The following BPI variants were observed in gnomAD, a reference collection of about 807,000 sequenced individuals.
The protein encoded by BPI is bactericidal permeability-increasing protein.
BPI carries 48 observed loss-of-function variants against 57.6 expected under a neutral mutation model. The observed-to-expected ratio is 0.83, with a 90% CI of 0.66 to 1.06. The LOEUF is 1.06. Ranked by LOEUF, BPI falls within the 50% of genes least tolerant of loss-of-function variation. The pLI, the probability that BPI is intolerant of heterozygous loss-of-function variation, is 0.00. For missense variants in BPI, 651 were observed against 609.7 expected (o/e 1.07, Z -0.71); for synonymous variants, 237 against 238.2 (o/e 0.99, Z 0.05).
chr20:38,334,373 GA>G (rs776410143), intron 12 of BPI, 56 bp from the exon 13 acceptor site: 1 of 1,519,016 alleles, frequency 6.6e-7, no homozygotes, highest in Non-Finnish European at 9.1e-7. Flanking sequence ...AGGACTGCTG[GA>G]CCCGCAAGGT....
chr20:38,308,182 A>G (rs1423972015), intron 2 of BPI, among the ~76,000 whole-genome samples: 1 of 152,172 alleles, frequency 6.6e-6, no homozygotes, highest in Non-Finnish European at 1.5e-5. Context: ...CAGCACTCTG[A>G]ACAAAGAGCC....
intron 1 of BPI, among the ~76,000 whole-genome samples, chr20:38,305,546 T>C (rs905352290): frequency 5.3e-5 from 8 of 152,290 alleles, no homozygotes; most frequent in African/African-American, 1.9e-4. Context: ...CCTGTCAACT[T>C]ACAGATCCTG....
chr20:38,324,730 T>A, intron 8 of BPI, 44 bp from the exon 9 acceptor site: 1 of 1,530,102 alleles, frequency 6.5e-7, no homozygotes. Flanking sequence ...CTGCTCCGTC[T>A]GTAACAGCAT....
intron 6 of BPI, among the ~76,000 whole-genome samples, chr20:38,319,096 A>G (rs6064383): frequency 0.69 from 104,463 of 152,016 alleles, 37,201 homozygotes; most frequent in African/African-American, 0.88. Context: ...TTTGCCAGGC[A>G]TCATGGCAGG....
chr20:38,335,354 G>T, intron 13 of BPI: 1 of 570,252 alleles, frequency 1.8e-6, no homozygotes, highest in Non-Finnish European at 3.1e-6. Flanking sequence ...GCACCCTCAG[G>T]AGGGCCATCA....
chr20:38,319,861 A>AG (rs1181910718), intron 6 of BPI: 1 of 199,334 alleles, frequency 5.0e-6, no homozygotes, highest in Non-Finnish European at 8.3e-6. Context: ...AATGACAAAA[A>AG]GTGCTCAGAG....
rs1426434589 is a variant in BPI, at chr20:38,324,053, C to A, written c.933+7C>A. 1.2e-6 allele frequency: 2 copies of A among 1,612,968 alleles called. No homozygotes were observed. Among genetic ancestry groups the A allele is most frequent in the African/African-American group, 2.7e-5 (2 of 74,894 alleles). ...GACCCTTAGAGATGACATGGTAAGG[C>A]CGGGCTCTGGGTGGGTGTGGGAAGA... On this transcript the variant is annotated splice_region_variant and intron_variant, in intron 8 of 14. Coordinates refer to ENST00000642449, the MANE Select transcript of BPI (RefSeq NM_001725.3).
At chr20:38,327,999 A>G (rs1193481103) in intron 11 of BPI, among the ~76,000 whole-genome samples, 1 of 152,134 alleles carries the variant, frequency 6.6e-6, no homozygotes, top group East Asian at 1.9e-4. Flanking sequence ...ACTGAACCAC[A>G]ACAGCATGCA....
At chr20:38,327,176 T>C (rs1337176049) in intron 10 of BPI, among the ~76,000 whole-genome samples, 1 of 152,192 alleles carries the variant, frequency 6.6e-6, no homozygotes, top group African/African-American at 2.4e-5. Flanking sequence ...AGCTGAGACC[T>C]GTTATTCCCA....
intron 5 of BPI, among the ~76,000 whole-genome samples, chr20:38,313,677 T>C (rs2076632853): frequency 1.3e-5 from 2 of 152,194 alleles, no homozygotes; most frequent in African/African-American, 4.8e-5. Context: ...ATGATGATGA[T>C]AATGGTGAGG....
At chr20:38,315,506 C>T (rs1053580657) in intron 5 of BPI, among the ~76,000 whole-genome samples, 1 of 152,184 alleles carries the variant, frequency 6.6e-6, no homozygotes, top group African/African-American at 2.4e-5. Context: ...GATCTGGAGC[C>T]ATCTGTTGGC....
chr20:38,337,004 ACTGAGTGACCCCCACTGG>A, intron 14 of BPI, 124 bp from the exon 15 acceptor site: 1 of 584,244 alleles, frequency 1.7e-6, no homozygotes, highest in Non-Finnish European at 2.8e-6. Context: ...GCAGCGAAAC[ACTGAGTGACCCCCACTGG>A]CCCTGCCTTT....
intron 10 of BPI, 51 bp from the exon 11 acceptor site, chr20:38,327,537 C>T (rs758742697): frequency 1.2e-6 from 2 of 1,603,954 alleles, no homozygotes; most frequent in Non-Finnish European, 1.7e-6. Flanking sequence ...GGAGGCCTTG[C>T]AATCAGGTGC....
In BPI at chr20:38,318,458, T is replaced by G. The variant is rs375120673; in HGVS notation, c.646T>G (p.Tyr216Asp). 1.7e-5 allele frequency: 27 copies of G among 1,613,684 alleles called. No homozygotes were observed. The highest frequency in any genetic ancestry group is 1.9e-5 in the Non-Finnish European group (23 of 1,179,732). The change falls in exon 6 of 15, where the codon TAT becomes GAT. Residue 216 changes from tyrosine to aspartate, a missense_variant. Tyr to Asp is a radical substitution (Grantham distance 160). Transcript: ENST00000642449. ...TTCTGTATCCTCCGAGCTGCAACCT[T>G]ATTTCCAGACTCTGCCAGGTGAGGG... ...TNSVSSELQPYFQTLPVMTKI... is the reference protein window; with the variant it reads ...TNSVSSELQPDFQTLPVMTKI...
intron 1 of BPI, among the ~76,000 whole-genome samples, chr20:38,306,044 T>C (rs926891274): frequency 1.3e-5 from 2 of 152,182 alleles, no homozygotes; most frequent in Non-Finnish European, 2.9e-5. Context: ...TTTTTTGTTT[T>C]GTTTTGAGAC....
chr20:38,321,743 A>G (rs1297720281), intron 7 of BPI: 1 of 152,210 alleles, frequency 6.6e-6, no homozygotes, highest in Non-Finnish European at 1.5e-5. Context: ...AGAGAGAGAG[A>G]GAGAATTACC....
chr20:38,311,368 C>G (rs930717898), intron 4 of BPI, among the ~76,000 whole-genome samples: 14 of 152,262 alleles, frequency 9.2e-5, no homozygotes, highest in African/African-American at 3.1e-4. Flanking sequence ...CAAAAGGAGA[C>G]AAGAATTAAG....
chr20:38,336,427 C>T (rs1448810855), intron 14 of BPI, among the ~76,000 whole-genome samples: 2 of 152,110 alleles, frequency 1.3e-5, no homozygotes, highest in Non-Finnish European at 1.5e-5. Flanking sequence ...CGCAGGCTCC[C>T]TCAATGTCTC....
intron 1 of BPI, among the ~76,000 whole-genome samples, chr20:38,306,620 G>A (rs2122489341): frequency 6.6e-6 from 1 of 152,300 alleles, no homozygotes; most frequent in East Asian, 1.9e-4. Flanking sequence ...AAGCTGACCG[G>A]GTGAATATGG....
Sources: gnomAD v4.1 joint callset for allele counts (sites outside exome capture counted in the v4.1 genomes callset) on GRCh38, gnomAD v4.1.1 for gene constraint, MANE v1.5 for transcripts, NCBI Gene and HGNC (gene_info 2026-07-23, HGNC 2026-07-21) for gene names.